Variants in ANKRD55 observed in about 807,000 individuals in gnomAD.
ANKRD55 encodes ankyrin repeat domain-containing protein 55.
In ANKRD55, 41 loss-of-function variants were observed where a neutral mutation model predicts 60.6. The observed-to-expected ratio is 0.68, with a 90% confidence interval of 0.53 to 0.88. ANKRD55 has a LOEUF of 0.88. ANKRD55 is among the 40% of genes least tolerant of loss of function. The pLI is 0.00. For missense variants in ANKRD55, 732 were observed against 767.6 expected, an observed-to-expected ratio of 0.95 and a Z score of 0.55; for synonymous variants, 264 against 290.3, an observed-to-expected ratio of 0.91 and a Z score of 0.92.
intron 2 of ANKRD55, among the ~76,000 whole-genome samples, chr5:56,190,525 T>C (rs977805824): frequency 7.9e-5 from 12 of 152,218 alleles, no homozygotes; most frequent in African/African-American, 2.9e-4. Flanking sequence ...AGGGTCCAAA[T>C]ACATTTTTTT....
chr5:56,165,039 T>C (rs1187669169), intron 5 of ANKRD55, among the ~76,000 whole-genome samples: 2 of 152,226 alleles, frequency 1.3e-5, no homozygotes, highest in Admixed American at 1.3e-4. Context: ...AGCTTGTTTA[T>C]AAGCAGCTTC....
intron 4 of ANKRD55, among the ~76,000 whole-genome samples, chr5:56,175,402 G>A (rs1758715669): frequency 6.6e-6 from 1 of 152,198 alleles, no homozygotes. Flanking sequence ...TGGAGAGGAA[G>A]AAAAAGGATG....
chr5:56,161,591 G>A (rs766718476), intron 5 of ANKRD55, among the ~76,000 whole-genome samples: 2 of 152,202 alleles, frequency 1.3e-5, no homozygotes, highest in Non-Finnish European at 2.9e-5. Flanking sequence ...TGCGGTGGAG[G>A]TGAAATAACC....
chr5:56,126,203 A>G (rs1000129965), intron 8 of ANKRD55, among the ~76,000 whole-genome samples: 1 of 152,310 alleles, frequency 6.6e-6, no homozygotes, highest in African/African-American at 2.4e-5. Context: ...TTGCACTTCA[A>G]TACAAGAGGA....
intron 9 of ANKRD55, among the ~76,000 whole-genome samples, chr5:56,112,511 A>AAAAAAACAAAAAAAAAAAC (rs1756754606): frequency 3.7e-5 from 3 of 81,526 alleles, no homozygotes; most frequent in South Asian, 3.7e-4. Flanking sequence ...TAGCAAAAAA[A>AAAAAAACAAAAAAAAAAAC]AAAAAAAAAA....
chr5:56,209,960 T>A (rs61407700), intron 2 of ANKRD55, among the ~76,000 whole-genome samples: 1 of 152,168 alleles, frequency 6.6e-6, no homozygotes, highest in Non-Finnish European at 1.5e-5. Flanking sequence ...TAAAAAAAAT[T>A]AATGCTGATG....
At chr5:56,119,867 G>A (rs1580950397) in intron 8 of ANKRD55, among the ~76,000 whole-genome samples, 2 of 151,926 alleles carry the variant, frequency 1.3e-5, no homozygotes, top group African/African-American at 2.4e-5. Context: ...TCAGTGAGCC[G>A]AGATCCTGCC....
At chr5:56,128,730 C>A (rs1251243059) in intron 7 of ANKRD55, among the ~76,000 whole-genome samples, 1 of 152,150 alleles carries the variant, frequency 6.6e-6, no homozygotes, top group Non-Finnish European at 1.5e-5. Context: ...AAGGTTGGTA[C>A]TATTATTGTC....
chr5:56,204,084 A>G (rs1028841035), intron 2 of ANKRD55, among the ~76,000 whole-genome samples: 1 of 152,144 alleles, frequency 6.6e-6, no homozygotes, highest in African/African-American at 2.4e-5. Context: ...ATGGCCAGTG[A>G]TGATGAGCAT....
intron 2 of ANKRD55, among the ~76,000 whole-genome samples, chr5:56,190,301 C>T (rs551378860): frequency 6.6e-6 from 1 of 152,082 alleles, no homozygotes; most frequent in Non-Finnish European, 1.5e-5. Flanking sequence ...TTGATAGTGT[C>T]CTTTGATGAC....
In ANKRD55 at chr5:56,144,310, T is replaced by C. The variant is rs138276162; in HGVS notation, c.484-381A>G. Among the ~76,000 whole-genome samples the C allele has an allele frequency of 1.7e-4, 26 of 152,252 alleles. 1 individual carries two copies. The East Asian group carries it at 4.8e-3, about 28-fold the overall frequency. ...GTAACCAAGGGTGGAGGGACTGTTC[T>C]AAACAGGCCTCTGAAAGAAGAAATG... is the stretch of plus-strand genomic sequence containing the variant. On this transcript the variant is annotated intron_variant, in intron 6 of 11. Coordinates refer to ENST00000341048, the MANE Select transcript of ANKRD55 (RefSeq NM_024669.3).
intron 9 of ANKRD55, among the ~76,000 whole-genome samples, chr5:56,114,956 G>A (rs1419189964): frequency 6.6e-6 from 1 of 152,094 alleles, no homozygotes; most frequent in Non-Finnish European, 1.5e-5. Context: ...AGGCTAAGGT[G>A]GGAGGACTGC....
chr5:56,216,982 C>T (rs1759828457), intron 2 of ANKRD55, among the ~76,000 whole-genome samples: 1 of 152,184 alleles, frequency 6.6e-6, no homozygotes, highest in Non-Finnish European at 1.5e-5. Flanking sequence ...GAAGATGCCA[C>T]CTAGGACTTT....
chr5:56,176,678 G>A (rs1209184076), intron 3 of ANKRD55, among the ~76,000 whole-genome samples: 1 of 152,160 alleles, frequency 6.6e-6, no homozygotes, highest in Non-Finnish European at 1.5e-5. Context: ...TTTATAGGGG[G>A]TGGCAGGTGT....
chr5:56,131,308 G>T (rs1481717170), intron 7 of ANKRD55, among the ~76,000 whole-genome samples: 1 of 152,192 alleles, frequency 6.6e-6, no homozygotes, highest in Non-Finnish European at 1.5e-5. Flanking sequence ...GATTACCTCT[G>T]ATTTCTCAGA....
At chr5:56,115,109 G>A (rs1368775160) in intron 9 of ANKRD55, among the ~76,000 whole-genome samples, 1 of 151,708 alleles carries the variant, frequency 6.6e-6, no homozygotes, top group African/African-American at 2.4e-5. Context: ...TTGAGGTGAG[G>A]GGATCGTTTG....
At chr5:56,136,351 A>T (rs1757597927) in intron 7 of ANKRD55, among the ~76,000 whole-genome samples, 1 of 152,238 alleles carries the variant, frequency 6.6e-6, no homozygotes, top group African/African-American at 2.4e-5. Context: ...ACTCAACTTT[A>T]AGACTTACTA....
intron 7 of ANKRD55, among the ~76,000 whole-genome samples, chr5:56,128,927 G>A (rs1757342362): frequency 6.6e-6 from 1 of 152,228 alleles, no homozygotes. Context: ...AGGAACTAAA[G>A]TGAAAACTGT....
intron 2 of ANKRD55, among the ~76,000 whole-genome samples, chr5:56,201,765 C>A (rs532606248): frequency 6.6e-6 from 1 of 152,262 alleles, no homozygotes; most frequent in East Asian, 1.9e-4. Flanking sequence ...GGCAGAAATA[C>A]CATTTGACCC....
Sources: allele counts gnomAD v4.1 joint callset (sites outside exome capture counted in the v4.1 genomes callset), GRCh38; gene constraint gnomAD v4.1.1; transcripts MANE v1.5; gene names NCBI Gene and HGNC (gene_info 2026-07-23, HGNC 2026-07-21).